The following ADAMTS12 variants were observed in gnomAD, a reference collection of about 807,000 sequenced individuals.
ADAMTS12 encodes the protein A disintegrin and metalloproteinase with thrombospondin motifs 12.
A neutral mutation model predicts 167.8 loss-of-function variants in ADAMTS12; 118 were observed. The ratio of observed to expected loss-of-function variants is 0.70; its 90% confidence interval spans 0.61 to 0.82. The LOEUF (loss-of-function observed/expected upper bound fraction) is 0.82, where lower values mean the gene tolerates loss of function less well. Among genes scored for constraint, ADAMTS12 ranks in the 40% least tolerant of loss-of-function variants. The pLI is 0.00. For missense variants in ADAMTS12, 1,916 were observed against 1,998.8 expected, an observed-to-expected ratio of 0.96 and a Z score of 0.79; for synonymous variants, 704 against 716.9, an observed-to-expected ratio of 0.98 and a Z score of 0.29.
intron 12 of ADAMTS12, among the ~76,000 whole-genome samples, chr5:33,634,727 G>A (rs1423234881): frequency 6.6e-6 from 1 of 152,060 alleles, no homozygotes. Context: ...ATATGTATTA[G>A]TGAAATATAA....
intron 2 of ADAMTS12, among the ~76,000 whole-genome samples, chr5:33,825,425 G>A (rs141412929): frequency 6.6e-6 from 1 of 152,292 alleles, no homozygotes; most frequent in Non-Finnish European, 1.5e-5. Flanking sequence ...GTCATTAGAT[G>A]AGAGATTTAG....
chr5:33,561,431 C>T (rs1034891430), intron 19 of ADAMTS12, among the ~76,000 whole-genome samples: 1 of 152,264 alleles, frequency 6.6e-6, no homozygotes, highest in African/African-American at 2.4e-5. Flanking sequence ...GTTGAGAAAC[C>T]TTGATTTGCA....
Position 33,849,314 on chromosome 5 carries a change from C to A in ADAMTS12, c.489+31805G>T, listed in dbSNP as rs796904133. ...CATAGCAATATATATATATGTATTG[C>A]ATAGCTATATATATATGTATTGAAT... On this transcript the variant is annotated intron_variant, in intron 2 of 23. Coordinates refer to ENST00000504830, the MANE Select transcript of ADAMTS12 (RefSeq NM_030955.4). Among the ~76,000 whole-genome samples, 175 of 105,524 alleles carry A rather than the reference C, an allele frequency of 1.7e-3. 10 individuals are homozygous for A. The highest frequency in any genetic ancestry group is 1.6e-3 in the Non-Finnish European group (87 of 52,796). 69.2% of individuals were successfully genotyped at this position (105,524 alleles called of 152,430 possible).
intron 18 of ADAMTS12, among the ~76,000 whole-genome samples, chr5:33,585,115 A>G (rs932912448): frequency 2.0e-5 from 3 of 152,150 alleles, no homozygotes; most frequent in African/African-American, 4.8e-5. Flanking sequence ...GGTTTTTACA[A>G]AGTATCTGAC....
rs372397970 is a variant in ADAMTS12 at position 33,812,242 on chromosome 5, T to G, written c.490-60694A>C. On this transcript the variant is annotated intron_variant, in intron 2 of 23. Coordinates refer to ENST00000504830, the MANE Select transcript of ADAMTS12 (RefSeq NM_030955.4). ...GAGTCAAGGCTGGAGTGAGCCATAG[T>G]GGTGCAACTGCACTCCAGCCTGGGT... 2.0e-5 allele frequency among the ~76,000 whole-genome samples: 3 copies of G among 152,292 alleles called. No individual in the cohort carries two copies. The East Asian group carries it at 5.8e-4, about 29-fold the overall frequency.
At chr5:33,667,110 A>G (rs1741500822) in intron 5 of ADAMTS12, among the ~76,000 whole-genome samples, 1 of 152,190 alleles carries the variant, frequency 6.6e-6, no homozygotes, top group Non-Finnish European at 1.5e-5. Context: ...CACAAATAGC[A>G]CATAAAACTT....
rs112531652 is a variant in ADAMTS12 at position 33,788,274 on chromosome 5, T to G, written c.490-36726A>C. Among the ~76,000 whole-genome samples, 310 of 152,134 alleles carry G rather than the reference T, an allele frequency of 2.0e-3. 5 individuals are homozygous for G. Among genetic ancestry groups the G allele is most frequent in the African/African-American group, 5.7e-3 (236 of 41,390 alleles). ...ACTAAAGGAGGTACATTAACAGTCT[T>G]TTTTCTCTCTCTCTTTTTTTTTGCC... is the stretch of plus-strand genomic sequence containing the variant. On this transcript the variant is annotated intron_variant, in intron 2 of 23. Coordinates refer to ENST00000504830, the MANE Select transcript of ADAMTS12 (RefSeq NM_030955.4).
At chr5:33,686,295 C>T (rs1561214297) in intron 3 of ADAMTS12, among the ~76,000 whole-genome samples, 2 of 152,204 alleles carry the variant, frequency 1.3e-5, no homozygotes, top group Non-Finnish European at 1.5e-5. Flanking sequence ...CAGGCAAAGA[C>T]TGTGCTGTGC....
intron 16 of ADAMTS12, among the ~76,000 whole-genome samples, chr5:33,613,629 T>C (rs1233760319): frequency 6.6e-6 from 1 of 152,214 alleles, no homozygotes; most frequent in East Asian, 1.9e-4. Context: ...CTAACCTGCT[T>C]CAGGCATACA....
intron 3 of ADAMTS12, among the ~76,000 whole-genome samples, chr5:33,742,820 C>G (rs1021578040): frequency 6.6e-6 from 1 of 152,182 alleles, no homozygotes; most frequent in Non-Finnish European, 1.5e-5. Flanking sequence ...TCTTAGGCAA[C>G]TGAAGGATAC....
chr5:33,540,585 C>G (rs754507795), intron 22 of ADAMTS12, among the ~76,000 whole-genome samples: 3 of 152,218 alleles, frequency 2.0e-5, no homozygotes, highest in Non-Finnish European at 4.4e-5. Flanking sequence ...ATATAGGCAG[C>G]TGACCCTCTG....
At chr5:33,690,510 G>A (rs1644797244) in intron 3 of ADAMTS12, among the ~76,000 whole-genome samples, 1 of 151,754 alleles carries the variant, frequency 6.6e-6, no homozygotes, top group Admixed American at 6.6e-5. Context: ...GGATGGTCCT[G>A]CCTGACACTG....
intron 9 of ADAMTS12, among the ~76,000 whole-genome samples, chr5:33,647,782 T>G (rs1043575962): frequency 2.0e-5 from 3 of 152,172 alleles, no homozygotes; most frequent in Non-Finnish European, 4.4e-5. Flanking sequence ...TTGGCATAAC[T>G]TGGTAGCCAG....
intron 10 of ADAMTS12, among the ~76,000 whole-genome samples, chr5:33,642,213 G>A (rs113405686): frequency 1.3e-5 from 2 of 152,288 alleles, no homozygotes; most frequent in African/African-American, 4.8e-5. Flanking sequence ...TTGGCAGATC[G>A]AGCACGAGAA....
intron 9 of ADAMTS12, 28 bp downstream of exon 9, chr5:33,648,794 G>C: frequency 6.2e-7 from 1 of 1,613,272 alleles, no homozygotes; most frequent in Non-Finnish European, 8.5e-7. Context: ...CTGAAGCCCT[G>C]CATATAGCCA....
At chr5:33,548,536 T>A (rs1745095137) in intron 21 of ADAMTS12, among the ~76,000 whole-genome samples, 1 of 152,184 alleles carries the variant, frequency 6.6e-6, no homozygotes, top group Non-Finnish European at 1.5e-5. Context: ...CTTTCTATCA[T>A]TTGTGGATGT....
intron 2 of ADAMTS12, among the ~76,000 whole-genome samples, chr5:33,858,481 A>C (rs1749488194): frequency 6.6e-6 from 1 of 152,070 alleles, no homozygotes; most frequent in South Asian, 2.1e-4. Context: ...ACATAGTGAG[A>C]CCCAATCTCT....
intron 21 of ADAMTS12, among the ~76,000 whole-genome samples, chr5:33,546,493 AT>A (rs1744992235): frequency 6.6e-6 from 1 of 152,198 alleles, no homozygotes; most frequent in Non-Finnish European, 1.5e-5. Context: ...AATGATTTAG[AT>A]TTTTTATAAT....
At chr5:33,534,199 C>T (rs1326874106) in intron 23 of ADAMTS12, among the ~76,000 whole-genome samples, 5 of 152,042 alleles carry the variant, frequency 3.3e-5, no homozygotes. Context: ...GTGAATGTAC[C>T]ACTTACTGGC....
Sources: allele counts gnomAD v4.1 joint callset (sites outside exome capture counted in the v4.1 genomes callset), GRCh38; gene constraint gnomAD v4.1.1; transcripts MANE v1.5; gene names NCBI Gene and HGNC (gene_info 2026-07-23, HGNC 2026-07-21).